Variants in ALG6 observed in about 807,000 individuals in gnomAD.
The protein encoded by ALG6 is dolichyl pyrophosphate Man9GlcNAc2 alpha-1,3-glucosyltransferase.
A neutral mutation model predicts 66.6 loss-of-function variants in ALG6; 46 were observed. The observed-to-expected ratio is 0.69, with a 90% CI of 0.55 to 0.88. The LOEUF (loss-of-function observed/expected upper bound fraction) is 0.88, where lower values mean the gene tolerates loss of function less well. Among genes scored for constraint, ALG6 ranks in the 40% least tolerant of loss-of-function variants. The probability of loss-of-function intolerance (pLI) is 0.00; values close to 1 mark genes in which losing one functional copy is unlikely to be tolerated. For synonymous variants in ALG6, 185 were observed against 203.7 expected (o/e 0.91, Z 0.78); for missense variants, 505 against 586.8 (o/e 0.86, Z 1.44).
chr1:63,375,932 G>C (rs1648109147), intron 2 of ALG6, among the ~76,000 whole-genome samples: 1 of 152,014 alleles, frequency 6.6e-6, no homozygotes, highest in African/African-American at 2.4e-5. Context: ...ATTTTCTGCT[G>C]TATCAATGAT....
At chr1:63,434,630 A>C (rs1644668302) in intron 14 of ALG6, among the ~76,000 whole-genome samples, 1 of 152,222 alleles carries the variant, frequency 6.6e-6, no homozygotes, top group African/African-American at 2.4e-5. Context: ...TTAAAAACTC[A>C]TCAGCTATCG....
intron 2 of ALG6, among the ~76,000 whole-genome samples, chr1:63,380,170 C>T (rs1648257796): frequency 6.6e-6 from 1 of 152,070 alleles, no homozygotes; most frequent in African/African-American, 2.4e-5. Flanking sequence ...GACAACTTTA[C>T]AAAATGAGGA....
intron 2 of ALG6, among the ~76,000 whole-genome samples, chr1:63,375,430 TTTTTTTTC>T (rs1431324683): frequency 4.2e-5 from 6 of 144,558 alleles, no homozygotes; most frequent in African/African-American, 1.6e-4. Flanking sequence ...TTTTTTTTTT[TTTTTTTTC>T]CAGTAGAGAC....
chr1:63,436,696 C>T lies in ALG6; in HGVS notation c.1327-127C>T, dbSNP rs1411018796. The stretch of plus-strand genomic sequence containing the variant: ...CTAATAGGAAGTCAAAGTTGAGATA[C>T]ACCAGAATAAATTAGACCCTCAACC... On this transcript the variant is annotated intron_variant, in intron 14 of 14. Coordinates refer to ENST00000263440, the MANE Select transcript of ALG6 (RefSeq NM_013339.4). The T allele has an allele frequency of 1.7e-5, 15 of 898,688 alleles. 1 individual carries two copies. Among genetic ancestry groups the T allele is most frequent in the Non-Finnish European group, 1.6e-5 (9 of 561,450 alleles). 55.7% of individuals were successfully genotyped at this position (898,688 alleles called of 1,614,324 possible). A position where few individuals can be genotyped will look rare whatever the true frequency, so the allele number is the denominator to read the frequency against.
chr1:63,374,695 G>C (rs975091232), intron 2 of ALG6, among the ~76,000 whole-genome samples: 1 of 151,670 alleles, frequency 6.6e-6, no homozygotes, highest in Admixed American at 6.6e-5. Flanking sequence ...TTTTTTAATA[G>C]TGCAGGGCTA....
At chr1:63,379,999 G>A (rs991631680) in intron 2 of ALG6, among the ~76,000 whole-genome samples, 4 of 151,486 alleles carry the variant, frequency 2.6e-5, no homozygotes, top group African/African-American at 9.7e-5. Context: ...TTTAAGAGTT[G>A]CTTTTGCCCC....
chr1:63,373,554 C>T (rs1170174894), intron 2 of ALG6, among the ~76,000 whole-genome samples: 1 of 151,236 alleles, frequency 6.6e-6, no homozygotes, highest in Non-Finnish European at 1.5e-5. Flanking sequence ...AAGATCATCC[C>T]ATTACACTTT....
intron 4 of ALG6, among the ~76,000 whole-genome samples, chr1:63,404,079 T>C (rs1172387129): frequency 2.0e-5 from 3 of 152,196 alleles, no homozygotes; most frequent in African/African-American, 2.4e-5. Context: ...CCAATTGTTA[T>C]GATAACTAAA....
intron 12 of ALG6, among the ~76,000 whole-genome samples, chr1:63,427,417 C>A (rs888340471): frequency 5.9e-5 from 9 of 151,628 alleles, no homozygotes; most frequent in African/African-American, 2.2e-4. Flanking sequence ...GGGAGAATGC[C>A]CAAATCTTTA....
rs558605030 is a variant in ALG6 at position 63,433,190 on chromosome 1, C to G, written c.1327-3633C>G. Among the ~76,000 whole-genome samples, 1 of 152,326 alleles carries G rather than the reference C, an allele frequency of 6.6e-6. No individual in the cohort carries two copies. Among genetic ancestry groups the G allele is most frequent in the African/African-American group, 2.4e-5 (1 of 41,580 alleles). The stretch of plus-strand genomic sequence containing the variant: ...ACTCCTGACCTCGTGATCCACCCGC[C>G]TCAGCCTCCCAAAGTGCTGGGATTA... On this transcript the variant is annotated intron_variant, in intron 14 of 14. Coordinates refer to ENST00000263440, the MANE Select transcript of ALG6 (RefSeq NM_013339.4). The surrounding 1 kb of genome is among the most constrained non-coding windows in gnomAD (Gnocchi z 4.2).
intron 2 of ALG6, among the ~76,000 whole-genome samples, chr1:63,375,167 A>G (rs111578516): frequency 6.6e-6 from 1 of 152,026 alleles, no homozygotes; most frequent in African/African-American, 2.4e-5. Flanking sequence ...GTGCCACTGC[A>G]CTTCAGCCTG....
At chr1:63,403,334 G>A (rs545687161) in intron 4 of ALG6, among the ~76,000 whole-genome samples, 3 of 152,118 alleles carry the variant, frequency 2.0e-5, no homozygotes, top group Non-Finnish European at 2.9e-5. Context: ...CAACTAATCT[G>A]TCAAGTTAGA....
At chr1:63,404,362 C>A in intron 4 of ALG6, 91 bp from the exon 5 acceptor site, 1 of 1,088,780 alleles carries the variant, frequency 9.2e-7, no homozygotes, top group South Asian at 1.3e-5. Context: ...GGCCAATTCT[C>A]AAAATATTAA....
At chr1:63,422,126 AATAAAT>A (rs1557594738) in intron 12 of ALG6, among the ~76,000 whole-genome samples, 51 of 74,380 alleles carry the variant, frequency 6.9e-4, no homozygotes, top group African/African-American at 2.1e-3. Context: ...TAAATATATA[AATAAAT>A]ATATAAATAT....
At chr1:63,436,194 G>T (rs2100447401) in intron 14 of ALG6, among the ~76,000 whole-genome samples, 1 of 152,216 alleles carries the variant, frequency 6.6e-6, no homozygotes, top group Non-Finnish European at 1.5e-5. Context: ...TATATATTTT[G>T]GGGGTATATG....
intron 14 of ALG6, among the ~76,000 whole-genome samples, chr1:63,431,073 T>A (rs1644642891): frequency 6.6e-6 from 1 of 151,898 alleles, no homozygotes; most frequent in Admixed American, 6.6e-5. Flanking sequence ...GAGGTAGGAG[T>A]CTGACTTTAT....
Position 63,402,344 on chromosome 1 carries a change from G to GT in ALG6, c.257+2dup, listed in dbSNP as rs745426479. Reference sequence around the variant, plus strand: ...ATCATAGTCTCCTATGTGCATATGTGTAAGTTTTTCTTTCTTAATGTAACT... The same window carrying GT: ...ATCATAGTCTCCTATGTGCATATGTGTTAAGTTTTTCTTTCTTAATGTAACT... On this transcript the variant is annotated splice_donor_variant, in intron 4 of 14. Coordinates refer to ENST00000263440, the MANE Select transcript of ALG6 (RefSeq NM_013339.4). LOFTEE classifies it high-confidence loss of function. 23 of 1,600,894 alleles carry GT rather than the reference G, an allele frequency of 1.4e-5. No individual in the cohort carries two copies. The South Asian group carries it at 1.9e-4, about 13-fold the overall frequency.
rs1570077925 is a variant in ALG6, at chr1:63,419,380, C to CG, written c.999dup (p.Leu334AlafsTer12). The CG allele has an allele frequency of 6.2e-7, 1 of 1,608,562 alleles. No homozygotes were observed. Among genetic ancestry groups the CG allele is most frequent in the Non-Finnish European group, 8.5e-7 (1 of 1,177,224 alleles). On this transcript the variant is annotated frameshift_variant, in exon 12 of 15. Coordinates refer to ENST00000263440, the MANE Select transcript of ALG6 (RefSeq NM_013339.4). LOFTEE classifies it high-confidence loss of function. ...CCTTTTTTCTTAAAGGTTAGCTGTG[C>CG]GCTATCATTCTTTTTATTTTCTTTC... is the stretch of plus-strand genomic sequence containing the variant.
intron 3 of ALG6, among the ~76,000 whole-genome samples, chr1:63,400,184 A>G (rs1159732406): frequency 9.8e-6 from 1 of 101,870 alleles, no homozygotes. Flanking sequence ...ACAAGAGCAA[A>G]ACTCTGTCTC....
Sources: allele counts gnomAD v4.1 joint callset (sites outside exome capture counted in the v4.1 genomes callset), GRCh38; gene constraint gnomAD v4.1.1; non-coding constraint Gnocchi (gnomAD v3.1); transcripts MANE v1.5; gene names NCBI Gene and HGNC (gene_info 2026-07-23, HGNC 2026-07-21).